The following USH2A variants were observed in gnomAD, a reference collection of about 807,000 sequenced individuals.
The protein encoded by USH2A is usherin, also known as Usher syndrome 2A (autosomal recessive, mild).
Under a neutral mutation model 538.9 loss-of-function variants are expected in USH2A, and 443 were observed. The ratio of observed to expected loss-of-function variants is 0.82; its 90% CI spans 0.76 to 0.89. USH2A has a LOEUF of 0.89. Ranked by LOEUF, USH2A falls within the 40% of genes least tolerant of loss-of-function variation. The pLI is 0.00. For synonymous variants in USH2A, 2,413 were observed against 2,273.5 expected (o/e 1.06, Z -1.75); for missense variants, 6,633 against 6,324.8 (o/e 1.05, Z -1.65).
intron 9 of USH2A, among the ~76,000 whole-genome samples, chr1:216,301,761 G>T (rs2037220451): frequency 6.6e-6 from 1 of 152,158 alleles, no homozygotes; most frequent in Non-Finnish European, 1.5e-5. Flanking sequence ...AATAAAAGAG[G>T]TAATTTTTTT....
intron 21 of USH2A, among the ~76,000 whole-genome samples, chr1:216,118,147 T>C (rs946045768): frequency 7.2e-5 from 11 of 152,174 alleles, no homozygotes; most frequent in Non-Finnish European, 1.3e-4. Context: ...CGAGAGTTTC[T>C]TCTTTCACAA....
At chr1:215,786,390 T>A (rs1177708372) in intron 52 of USH2A, among the ~76,000 whole-genome samples, 1 of 152,240 alleles carries the variant, frequency 6.6e-6, no homozygotes, top group African/African-American at 2.4e-5. Context: ...TATTGTAAAT[T>A]AACTGGATAT....
At chr1:216,385,507 A>G (rs967278606) in intron 3 of USH2A, among the ~76,000 whole-genome samples, 1 of 152,192 alleles carries the variant, frequency 6.6e-6, no homozygotes, top group Non-Finnish European at 1.5e-5. Context: ...TAGAATGACA[A>G]CAAAGGGTGA....
chr1:216,325,729 G>A, intron 5 of USH2A, 130 bp from the exon 6 acceptor site: 1 of 858,170 alleles, frequency 1.2e-6, no homozygotes, highest in Non-Finnish European at 1.7e-6. Flanking sequence ...ATAATTTGAT[G>A]CATGAAACAT....
At chr1:216,289,936 T>C (rs935110483) in intron 10 of USH2A, among the ~76,000 whole-genome samples, 1 of 152,176 alleles carries the variant, frequency 6.6e-6, no homozygotes, top group African/African-American at 2.4e-5. Flanking sequence ...TTATTTTTCA[T>C]TTCAAAGATT....
At position 216,289,315 on chromosome 1, in the gene USH2A, C is replaced by A. The variant is rs1480820822; in HGVS notation, c.1936G>T (p.Val646Phe). Residue 646 changes from valine to phenylalanine, a missense_variant, in exon 11 of 72, where the codon GTT becomes TTT. Coordinates refer to ENST00000307340, the MANE Select transcript of USH2A (RefSeq NM_206933.4). ...DVCKPCDCDT[V>F]GTRNGSILCD... ...AGAATGCTACCATTTCTAGTGCCAA[C>A]TGTATCACAGTCACAGGGTTTGCAA... 1.9e-6 allele frequency: 3 copies of A among 1,613,994 alleles called. No individual in the cohort carries two copies. The highest frequency in any genetic ancestry group is 2.5e-6 in the Non-Finnish European group (3 of 1,179,878).
chr1:216,124,153 T>C (rs368512169), intron 21 of USH2A, among the ~76,000 whole-genome samples: 105 of 152,250 alleles, frequency 6.9e-4, no homozygotes, highest in African/African-American at 2.4e-3. Context: ...ATAAACACAA[T>C]GTTGCCCAGG....
At chr1:215,751,464 A>C (rs960492444) in intron 58 of USH2A, among the ~76,000 whole-genome samples, 1 of 152,158 alleles carries the variant, frequency 6.6e-6, no homozygotes, top group Non-Finnish European at 1.5e-5. Flanking sequence ...GGGCTAGAAC[A>C]GTTCAAAATA....
intron 14 of USH2A, among the ~76,000 whole-genome samples, chr1:216,226,601 C>T (rs562755933): frequency 2.6e-5 from 4 of 152,308 alleles, no homozygotes; most frequent in Admixed American, 6.5e-5. Flanking sequence ...GTGGTACATT[C>T]CTGACTTCTT....
intron 44 of USH2A, among the ~76,000 whole-genome samples, chr1:215,859,877 C>G (rs1387061726): frequency 1.3e-5 from 2 of 152,166 alleles, no homozygotes; most frequent in South Asian, 2.1e-4. Flanking sequence ...ATATCACCAC[C>G]AAACCTCATG....
rs758160355 is a variant in USH2A, at chr1:215,675,418, A to C, written c.12493T>G (p.Ser4165Ala). The change falls in exon 63 of 72, where the codon TCT (serine) becomes GCT (alanine). Residue 4165 changes from serine (S) to alanine (A), a missense_variant. Physicochemically the swap from Ser to Ala is moderately conservative, Grantham distance 99 (BLOSUM62 1). Transcript: ENST00000307340. ...AGCTCAACACTGGTGGACTTCACAG[A>C]GTGGACAGTAGGAGCCAGCTGAGAG... ...PDSQLAPTVH[S>A]VKSTSVELSW... 1.9e-6 allele frequency: 3 copies of C among 1,614,098 alleles called. No individual in the cohort carries two copies. Among genetic ancestry groups the C allele is most frequent in the Non-Finnish European group, 2.5e-6 (3 of 1,179,972 alleles).
intron 61 of USH2A, among the ~76,000 whole-genome samples, chr1:215,704,058 G>C (rs1350455774): frequency 1.3e-5 from 2 of 152,218 alleles, no homozygotes; most frequent in East Asian, 3.9e-4. Flanking sequence ...GCTTCCTTTG[G>C]CTAGGGGAGG....
chr1:215,723,569 A>G (rs528226475), intron 61 of USH2A, among the ~76,000 whole-genome samples: 1 of 152,358 alleles, frequency 6.6e-6, no homozygotes, highest in Admixed American at 6.5e-5. Context: ...ATGCATTAGC[A>G]GTACCTCTTG....
chr1:216,317,095 G>C (rs1558035033), intron 9 of USH2A, among the ~76,000 whole-genome samples: 1 of 152,156 alleles, frequency 6.6e-6, no homozygotes, highest in East Asian at 1.9e-4. Flanking sequence ...GGAGAAAAGG[G>C]AACACCTTTA....
intron 14 of USH2A, among the ~76,000 whole-genome samples, chr1:216,231,468 C>T (rs1381588826): frequency 6.7e-6 from 1 of 150,248 alleles, no homozygotes. Context: ...ATATAGCAAC[C>T]CACTCTAGGA....
At chr1:215,893,266 T>C (rs1028105197) in intron 40 of USH2A, among the ~76,000 whole-genome samples, 1 of 152,198 alleles carries the variant, frequency 6.6e-6, no homozygotes, top group Non-Finnish European at 1.5e-5. Context: ...TAGAAAATGC[T>C]ATAGAAAATG....
chr1:216,282,683 T>C (rs1355000878), intron 11 of USH2A, among the ~76,000 whole-genome samples: 2 of 152,186 alleles, frequency 1.3e-5, no homozygotes, highest in Non-Finnish European at 2.9e-5. Context: ...TTTATAAGGT[T>C]ATCTTGGACA....
chr1:216,023,942 G>A (rs1169700327), intron 32 of USH2A, among the ~76,000 whole-genome samples: 1 of 151,996 alleles, frequency 6.6e-6, no homozygotes, highest in Non-Finnish European at 1.5e-5. Flanking sequence ...TCCCAGCTCA[G>A]TCCTTAAAAC....
chr1:215,702,250 C>A (rs1296336104), intron 61 of USH2A, among the ~76,000 whole-genome samples: 2 of 152,132 alleles, frequency 1.3e-5, no homozygotes, highest in Non-Finnish European at 2.9e-5. Context: ...CTGCCCTTAA[C>A]ATTTTTTTCA....
Sources: gnomAD v4.1 joint callset for allele counts (sites outside exome capture counted in the v4.1 genomes callset) on GRCh38, gnomAD v4.1.1 for gene constraint, MANE v1.5 for transcripts, NCBI Gene and HGNC (gene_info 2026-07-23, HGNC 2026-07-21) for gene names.